SEMA3A: variants seen among roughly 807,000 people sequenced by gnomAD.
SEMA3A encodes the protein semaphorin 3A.
Under a neutral mutation model 97.9 loss-of-function variants are expected in SEMA3A, and 29 were observed. The ratio of observed to expected loss-of-function variants is 0.30; its 90% CI spans 0.22 to 0.40. The LOEUF is 0.40. Among genes scored for constraint, SEMA3A ranks in the 10% least tolerant of loss-of-function variants. The pLI is 1.00. For missense variants in SEMA3A, 763 were observed against 951.3 expected, an observed-to-expected ratio of 0.80 and a Z score of 2.60; for synonymous variants, 321 against 323.7, an observed-to-expected ratio of 0.99 and a Z score of 0.09.
chr7:83,990,554 A>G (rs1252902238), intron 12 of SEMA3A, among the ~76,000 whole-genome samples: 2 of 115,494 alleles, frequency 1.7e-5, no homozygotes, highest in Non-Finnish European at 3.7e-5. Flanking sequence ...CAGTTTTCCC[A>G]GCACCATTTA....
intron 1 of SEMA3A, among the ~76,000 whole-genome samples, chr7:84,410,165 A>G (rs1006628845): frequency 2.4e-4 from 37 of 152,116 alleles, no homozygotes; most frequent in African/African-American, 8.2e-4. Flanking sequence ...ATCTTATGTT[A>G]TGTAACTGTC....
chr7:84,208,493 C>T (rs1798551980), intron 3 of SEMA3A, among the ~76,000 whole-genome samples: 1 of 151,978 alleles, frequency 6.6e-6, no homozygotes, highest in Admixed American at 6.6e-5. Context: ...TCTCTGCCAT[C>T]AAAAATTTGC....
chr7:84,088,192 A>G (rs1446000477), intron 4 of SEMA3A, among the ~76,000 whole-genome samples: 1 of 152,164 alleles, frequency 6.6e-6, no homozygotes, highest in East Asian at 1.9e-4. Flanking sequence ...GCAGTGGCTC[A>G]TGCCTATAAT....
intron 1 of SEMA3A, among the ~76,000 whole-genome samples, chr7:84,388,809 G>A (rs1408241411): frequency 6.6e-6 from 1 of 151,992 alleles, no homozygotes; most frequent in Non-Finnish European, 1.5e-5. Flanking sequence ...CTCCTGAAAT[G>A]TTGTATGATT....
chr7:84,405,377 A>G (rs960687131), intron 1 of SEMA3A, among the ~76,000 whole-genome samples: 1 of 152,142 alleles, frequency 6.6e-6, no homozygotes, highest in South Asian at 2.1e-4. Flanking sequence ...CAATACATTA[A>G]CACCCAGATT....
At chr7:84,404,537 C>T (rs187785196) in intron 1 of SEMA3A, among the ~76,000 whole-genome samples, 1 of 152,014 alleles carries the variant, frequency 6.6e-6, no homozygotes, top group East Asian at 1.9e-4. Context: ...TCAGGAAACA[C>T]AGAGAATGCC....
chr7:84,308,911 G>A lies in SEMA3A; in HGVS notation c.-168-1619C>T, dbSNP rs1205880861. ...CAGCTCACTGCAATCTCCGCCTCCC[G>A]GGTTCAAGCAATTCTCCTGCCTCAG... On this transcript the variant is annotated intron_variant, in intron 2 of 3. Transcript: ENST00000424555. 8.0e-5 allele frequency among the ~76,000 whole-genome samples: 12 copies of A among 150,686 alleles called. No homozygotes were observed. The Admixed American group carries it at 8.0e-4, about 10-fold the overall frequency.
intron 1 of SEMA3A, among the ~76,000 whole-genome samples, chr7:84,482,509 C>G (rs1806472580): frequency 6.6e-6 from 1 of 152,090 alleles, no homozygotes; most frequent in South Asian, 2.1e-4. Context: ...GACTGTTCAA[C>G]CCAGGGCCCT....
At chr7:84,292,275 T>G (rs1306738676) in intron 3 of SEMA3A, among the ~76,000 whole-genome samples, 2 of 152,082 alleles carry the variant, frequency 1.3e-5, no homozygotes, top group Non-Finnish European at 2.9e-5. Flanking sequence ...TAATTGTCAG[T>G]GCTTATTTGT....
intron 3 of SEMA3A, among the ~76,000 whole-genome samples, chr7:84,218,905 T>A (rs1293064897): frequency 6.6e-6 from 1 of 152,086 alleles, no homozygotes; most frequent in Non-Finnish European, 1.5e-5. Context: ...TTTGGCAGGA[T>A]CCCAACAGGA....
chr7:84,394,774 A>C (rs1228874), intron 1 of SEMA3A, among the ~76,000 whole-genome samples: 48,515 of 152,066 alleles, frequency 0.32, 9,303 homozygotes, highest in African/African-American at 0.54. Context: ...GAAAAAACTG[A>C]AATGGATCTT....
At position 84,099,343 on chromosome 7, in the gene SEMA3A, TACAGGCGTGAGCCACCGCGCCCGGCC is replaced by T. The variant is rs1181734404; in HGVS notation, c.453+11101_453+11126del. On this transcript the variant is annotated intron_variant, in intron 4 of 16. Coordinates refer to ENST00000265362, the MANE Select transcript of SEMA3A (RefSeq NM_006080.3). ...CCTCGGCCTCCCAAAGTGCTGGGAT[TACAGGCGTGAGCCACCGCGCCCGGCC>T]TTGAATTTTTTTTAAAAGAAAAGTG... Among the ~76,000 whole-genome samples, 4 of 151,122 alleles carry T rather than the reference TACAGGCGTGAGCCACCGCGCCCGGCC, an allele frequency of 2.6e-5. 2 individuals carry two copies. Among genetic ancestry groups the T allele is most frequent in the Non-Finnish European group, 5.9e-5 (4 of 67,566 alleles).
chr7:84,472,783 G>A (rs907543821), intron 1 of SEMA3A, among the ~76,000 whole-genome samples: 1 of 151,984 alleles, frequency 6.6e-6, no homozygotes, highest in African/African-American at 2.4e-5. Context: ...AAACCAAATC[G>A]ATCCATATAA....
At chr7:84,110,848 AT>A (rs1163731511) in intron 3 of SEMA3A, among the ~76,000 whole-genome samples, 1 of 152,142 alleles carries the variant, frequency 6.6e-6, no homozygotes, top group African/African-American at 2.4e-5. Flanking sequence ...CATTAAAACT[AT>A]TTTTAATTTA....
intron 1 of SEMA3A, among the ~76,000 whole-genome samples, chr7:84,477,030 G>A (rs1806303360): frequency 6.8e-6 from 1 of 146,938 alleles, no homozygotes; most frequent in African/African-American, 2.5e-5. Flanking sequence ...AGAGTAAAAA[G>A]CAGTATGGTA....
At chr7:84,042,335 G>C (rs1792164117) in intron 6 of SEMA3A, among the ~76,000 whole-genome samples, 1 of 152,080 alleles carries the variant, frequency 6.6e-6, no homozygotes, top group Admixed American at 6.6e-5. Flanking sequence ...TCCACTAAAA[G>C]AAAACAGGTC....
chr7:84,174,311 C>T (rs7811968), intron 1 of SEMA3A, among the ~76,000 whole-genome samples: 12,889 of 152,166 alleles, frequency 0.085, 798 homozygotes, highest in African/African-American at 0.17. Context: ...AGAAAAAACT[C>T]TGGAAATTTT....
At chr7:84,045,143 C>T (rs935890838) in intron 6 of SEMA3A, among the ~76,000 whole-genome samples, 2 of 151,904 alleles carry the variant, frequency 1.3e-5, no homozygotes, top group South Asian at 4.1e-4. Context: ...TGATTTTTCT[C>T]TAATAACTAA....
At chr7:84,247,575 T>C (rs1056276638) in intron 3 of SEMA3A, among the ~76,000 whole-genome samples, 2 of 152,288 alleles carry the variant, frequency 1.3e-5, no homozygotes, top group Admixed American at 6.5e-5. Context: ...CTTCCCAATA[T>C]TTACAGCAAA....
Sources: allele counts gnomAD v4.1 joint callset (sites outside exome capture counted in the v4.1 genomes callset), GRCh38; gene constraint gnomAD v4.1.1; transcripts MANE v1.5; gene names NCBI Gene and HGNC (gene_info 2026-07-23, HGNC 2026-07-21).